Variants in SLIT3 observed in about 807,000 individuals in gnomAD.
SLIT3 encodes the protein slit guidance ligand 3.
Under a neutral mutation model 184.0 loss-of-function variants are expected in SLIT3, and 68 were observed. That is an observed-to-expected ratio of 0.37 (90% CI 0.30 to 0.45). The LOEUF (loss-of-function observed/expected upper bound fraction) is 0.45, where lower values mean the gene tolerates loss of function less well. Ranked by LOEUF, SLIT3 falls within the 20% of genes least tolerant of loss-of-function variation. The probability of loss-of-function intolerance (pLI) is 1.00; values close to 1 mark genes in which losing one functional copy is unlikely to be tolerated. For missense variants in SLIT3, 1,707 were observed against 2,026.0 expected, an observed-to-expected ratio of 0.84 and a Z score of 3.02; for synonymous variants, 831 against 828.6, an observed-to-expected ratio of 1.00 and a Z score of -0.05.
intron 4 of SLIT3, among the ~76,000 whole-genome samples, chr5:168,968,543 A>G (rs1391572479): frequency 6.6e-6 from 1 of 152,174 alleles, no homozygotes; most frequent in African/African-American, 2.4e-5. Context: ...ACTTGTGTAT[A>G]CCCTTAGAAA....
At chr5:168,816,639 G>A (rs538043061) in intron 8 of SLIT3, among the ~76,000 whole-genome samples, 14 of 152,168 alleles carry the variant, frequency 9.2e-5, no homozygotes, top group Admixed American at 7.2e-4. Context: ...GTTACATTTC[G>A]ATTACCCACA....
intron 1 of SLIT3, among the ~76,000 whole-genome samples, chr5:169,289,493 C>T (rs1192610834): frequency 6.6e-6 from 1 of 152,208 alleles, no homozygotes; most frequent in African/African-American, 2.4e-5. Flanking sequence ...TTTATAGAGT[C>T]CAGCCCTGGG....
At chr5:168,725,878 C>A (rs940428772) in intron 20 of SLIT3, among the ~76,000 whole-genome samples, 3 of 152,174 alleles carry the variant, frequency 2.0e-5, no homozygotes, top group Non-Finnish European at 4.4e-5. Flanking sequence ...ATGACTGAAC[C>A]AGCCTTAGCT....
chr5:169,033,979 A>G (rs572001799), intron 4 of SLIT3, among the ~76,000 whole-genome samples: 1 of 151,638 alleles, frequency 6.6e-6, no homozygotes. Flanking sequence ...CGCCCGGCTA[A>G]TTTTTTGTAT....
intron 6 of SLIT3, among the ~76,000 whole-genome samples, chr5:168,831,251 G>A (rs907430290): frequency 2.0e-5 from 3 of 151,868 alleles, no homozygotes; most frequent in Non-Finnish European, 4.4e-5. Flanking sequence ...CTTGTTTGGA[G>A]TGGGCGATGG....
intron 4 of SLIT3, among the ~76,000 whole-genome samples, chr5:169,143,023 G>T (rs1297863771): frequency 6.6e-6 from 1 of 152,228 alleles, no homozygotes; most frequent in Non-Finnish European, 1.5e-5. Flanking sequence ...GATGCAAAAG[G>T]AAGCAGATAG....
intron 14 of SLIT3, chr5:168,768,119 G>T: frequency 2.1e-6 from 1 of 479,832 alleles, no homozygotes. Flanking sequence ...GGTGTCCAGC[G>T]GTGGTGGCGG....
At chr5:168,975,136 C>T (rs1180025540) in intron 4 of SLIT3, among the ~76,000 whole-genome samples, 7 of 152,124 alleles carry the variant, frequency 4.6e-5, no homozygotes, top group Non-Finnish European at 8.8e-5. Context: ...GACATGGTGC[C>T]TTCCTATACC....
intron 1 of SLIT3, among the ~76,000 whole-genome samples, chr5:169,259,167 G>A (rs1346679902): frequency 1.3e-5 from 2 of 152,130 alleles, no homozygotes; most frequent in Non-Finnish European, 2.9e-5. Flanking sequence ...CCACCTCCCA[G>A]GTTCAAGTGA....
intron 4 of SLIT3, among the ~76,000 whole-genome samples, chr5:168,941,694 T>C (rs1762337721): frequency 2.0e-5 from 3 of 152,168 alleles, no homozygotes; most frequent in South Asian, 2.1e-4. Context: ...CGGATCATGA[T>C]AAAAGGCTCA....
At chr5:169,063,521 G>A (rs1262469439) in intron 4 of SLIT3, among the ~76,000 whole-genome samples, 1 of 152,226 alleles carries the variant, frequency 6.6e-6, no homozygotes, top group East Asian at 1.9e-4. Context: ...CGCCTCGGGG[G>A]CACACCCCTC....
chr5:169,237,723 T>G (rs1040608769), intron 3 of SLIT3, among the ~76,000 whole-genome samples: 7 of 152,236 alleles, frequency 4.6e-5, no homozygotes, highest in Non-Finnish European at 8.8e-5. Flanking sequence ...AGTGCCTATT[T>G]GAATCTTTTG....
intron 4 of SLIT3, among the ~76,000 whole-genome samples, chr5:169,133,011 T>C (rs1007529030): frequency 6.6e-6 from 1 of 152,198 alleles, no homozygotes; most frequent in African/African-American, 2.4e-5. Flanking sequence ...TGCAACTACC[T>C]CTTCAGTAGA....
intron 4 of SLIT3, among the ~76,000 whole-genome samples, chr5:168,924,328 T>C (rs911620736): frequency 2.0e-5 from 3 of 152,192 alleles, no homozygotes; most frequent in African/African-American, 7.2e-5. Context: ...CCTCTTCCCA[T>C]GTCCTGCTTC....
chr5:168,767,761 A>G (rs1434008818), intron 14 of SLIT3, among the ~76,000 whole-genome samples: 1 of 152,218 alleles, frequency 6.6e-6, no homozygotes, highest in African/African-American at 2.4e-5. Context: ...CCTTTGGGTT[A>G]GCTGCCACTT....
chr5:169,072,911 C>T (rs975275090), intron 4 of SLIT3, among the ~76,000 whole-genome samples: 1 of 152,178 alleles, frequency 6.6e-6, no homozygotes, highest in Non-Finnish European at 1.5e-5. Flanking sequence ...GTAAAGGTTG[C>T]CCGCCACTTG....
At chr5:168,974,025 T>C (rs567789205) in intron 4 of SLIT3, among the ~76,000 whole-genome samples, 3 of 152,320 alleles carry the variant, frequency 2.0e-5, no homozygotes, top group South Asian at 4.1e-4. Flanking sequence ...CTCGTGTTGT[T>C]TGGAACACTA....
chr5:169,294,785 G>A (rs1052172370), intron 1 of SLIT3, among the ~76,000 whole-genome samples: 4 of 152,164 alleles, frequency 2.6e-5, no homozygotes, highest in East Asian at 1.9e-4. Context: ...CCTACTATAC[G>A]TCTAGGCTAG....
At chr5:168,969,613 C>T (rs190937923) in intron 4 of SLIT3, among the ~76,000 whole-genome samples, 95 of 152,314 alleles carry the variant, frequency 6.2e-4, no homozygotes, top group African/African-American at 2.0e-3. Context: ...GGGGCTGCTC[C>T]GCTCAATCTG....
Sources: allele counts gnomAD v4.1 joint callset (sites outside exome capture counted in the v4.1 genomes callset), GRCh38; gene constraint gnomAD v4.1.1; transcripts MANE v1.5; gene names NCBI Gene and HGNC (gene_info 2026-07-23, HGNC 2026-07-21).